Variants in HMCN1 observed in about 807,000 individuals in gnomAD.
HMCN1 encodes the protein hemicentin 1.
HMCN1 carries 321 observed loss-of-function variants against 625.9 expected under a neutral mutation model. The ratio of observed to expected loss-of-function variants is 0.51; its 90% CI spans 0.47 to 0.56. The LOEUF is 0.56. Among genes scored for constraint, HMCN1 ranks in the 20% least tolerant of loss-of-function variants. The pLI is 0.00. For synonymous variants in HMCN1, 2,425 were observed against 2,417.6 expected, an observed-to-expected ratio of 1.00 and a Z score of -0.09; for missense variants, 6,588 against 6,887.3, an observed-to-expected ratio of 0.96 and a Z score of 1.54.
At chr1:185,737,113 A>T (rs1351830866) in intron 1 of HMCN1, among the ~76,000 whole-genome samples, 1 of 151,430 alleles carries the variant, frequency 6.6e-6, no homozygotes, top group Non-Finnish European at 1.5e-5. Flanking sequence ...TGTGTGTATA[A>T]TCATTAAGAG....
In HMCN1 at chr1:186,153,910, A is replaced by G. The variant is rs766298196; in HGVS notation, c.15179A>G (p.His5060Arg). 3 of 1,614,030 alleles carry G rather than the reference A, an allele frequency of 1.9e-6. No individual in the cohort carries two copies. The Admixed American group carries it at 5.0e-5, about 27-fold the overall frequency. ...ATGCCTTTCTTGGTTGAAACACTTC[A>G]TGCATCCTCTGTGGAATCTGACTAT... ...GRMPFLVETLHASSVESDYNQ... is the reference protein window; with the variant it reads ...GRMPFLVETLRASSVESDYNQ... The change falls in exon 97 of 107, where the codon CAT becomes CGT. Residue 5060 changes from histidine (H) to arginine (R), a missense_variant. Physicochemically the swap from His to Arg is conservative, Grantham distance 29 (BLOSUM62 0). Around this residue, in one of 3 missense-constraint regions of HMCN1, gnomAD observed 1,954 missense variants for 2,013.1 expected, o/e 0.97. Coordinates refer to ENST00000271588, the MANE Select transcript of HMCN1 (RefSeq NM_031935.3).
At chr1:186,178,386 T>C (rs1295496109) in intron 103 of HMCN1, 30 bp from the exon 104 acceptor site, 24 of 1,515,838 alleles carry the variant, frequency 1.6e-5, no homozygotes, top group Non-Finnish European at 2.0e-5. Context: ...TGTCTTTTTT[T>C]TTCTTTTTTA....
intron 54 of HMCN1, among the ~76,000 whole-genome samples, chr1:186,077,672 ATCC>A (rs1358144760): frequency 6.6e-6 from 1 of 152,216 alleles, no homozygotes; most frequent in Non-Finnish European, 1.5e-5. Flanking sequence ...ATATACAGCT[ATCC>A]TCATAAGAAT....
At chr1:186,061,738 G>T in intron 46 of HMCN1, 113 bp from the exon 47 acceptor site, 3 of 536,244 alleles carry the variant, frequency 5.6e-6, no homozygotes, top group South Asian at 3.4e-5. Context: ...TCATTTTAAG[G>T]GCCTCTAAAG....
At chr1:185,962,054 A>C (rs1488710781) in intron 11 of HMCN1, among the ~76,000 whole-genome samples, 4 of 151,756 alleles carry the variant, frequency 2.6e-5, no homozygotes, top group Admixed American at 1.3e-4. Flanking sequence ...GTTTCTTATC[A>C]TAACAAAGTT....
intron 46 of HMCN1, among the ~76,000 whole-genome samples, chr1:186,059,827 C>T (rs1657568668): frequency 6.6e-6 from 1 of 151,930 alleles, no homozygotes; most frequent in African/African-American, 2.4e-5. Context: ...ACTGTCAGAA[C>T]CCATTTTTGG....
At chr1:186,058,881 G>T (rs533743249) in intron 46 of HMCN1, among the ~76,000 whole-genome samples, 2 of 152,046 alleles carry the variant, frequency 1.3e-5, no homozygotes, top group Admixed American at 6.6e-5. Context: ...GTTTATAACT[G>T]ATAGGAGCTT....
At chr1:185,815,529 T>C (rs1368894104) in intron 1 of HMCN1, among the ~76,000 whole-genome samples, 1 of 150,078 alleles carries the variant, frequency 6.7e-6, no homozygotes, top group Non-Finnish European at 1.5e-5. Flanking sequence ...TGCATTTATA[T>C]TGAATAGGAA....
At chr1:186,101,913 A>G (rs1354022569) in intron 68 of HMCN1, among the ~76,000 whole-genome samples, 1 of 152,136 alleles carries the variant, frequency 6.6e-6, no homozygotes, top group Non-Finnish European at 1.5e-5. Context: ...ATTAGTTCAG[A>G]GAATCAATAA....
chr1:186,163,399 G>C (rs183439898), intron 97 of HMCN1, among the ~76,000 whole-genome samples: 1 of 152,086 alleles, frequency 6.6e-6, no homozygotes, highest in Non-Finnish European at 1.5e-5. Flanking sequence ...GCTCACGCAC[G>C]GTGCGCTGCA....
chr1:186,130,465 G>A (rs749141966), intron 84 of HMCN1, 42 bp from the exon 85 acceptor site: 3 of 1,567,902 alleles, frequency 1.9e-6, no homozygotes, highest in Non-Finnish European at 2.6e-6. Context: ...GAAATTATCA[G>A]CACTTACTTT....
chr1:185,862,924 G>T (rs1662960987), intron 2 of HMCN1, among the ~76,000 whole-genome samples: 1 of 152,104 alleles, frequency 6.6e-6, no homozygotes, highest in South Asian at 2.1e-4. Context: ...AACAAATAAT[G>T]CTCAAAGGCT....
At chr1:186,107,620 C>T (rs966981150) in intron 70 of HMCN1, among the ~76,000 whole-genome samples, 1 of 152,060 alleles carries the variant, frequency 6.6e-6, no homozygotes, top group Non-Finnish European at 1.5e-5. Context: ...TATAGTATCC[C>T]ATTTTACTCC....
intron 42 of HMCN1, 41 bp downstream of exon 42, chr1:186,048,880 G>A (rs759497290): frequency 1.7e-6 from 2 of 1,195,890 alleles, no homozygotes; most frequent in South Asian, 2.4e-5. Context: ...ATGCAGCTGT[G>A]GTTTTTTGTG....
At position 186,114,401 on chromosome 1, in the gene HMCN1, A is replaced by G. The variant is rs141632839; in HGVS notation, c.11276+278A>G. Among the ~76,000 whole-genome samples the G allele has an allele frequency of 7.9e-3, 1,209 of 152,098 alleles. 22 individuals carry two copies. Among genetic ancestry groups the G allele is most frequent in the South Asian group, 0.042 (204 of 4,806 alleles). On this transcript the variant is annotated intron_variant, in intron 73 of 106. Transcript: ENST00000271588. The stretch of plus-strand genomic sequence containing the variant: ...CCTCCCAAGTAAGCTGAGATTAAAG[A>G]CGCACGCCAGCACGCCCAGCTAATT...
At chr1:186,171,720 T>C (rs1015878566) in intron 101 of HMCN1, among the ~76,000 whole-genome samples, 1 of 152,132 alleles carries the variant, frequency 6.6e-6, no homozygotes, top group African/African-American at 2.4e-5. Context: ...TACATATATA[T>C]GTATACAAAT....
chr1:185,805,025 A>G (rs1659074430), intron 1 of HMCN1, among the ~76,000 whole-genome samples: 1 of 152,152 alleles, frequency 6.6e-6, no homozygotes, highest in South Asian at 2.1e-4. Flanking sequence ...TGTACACCTG[A>G]CAGATTCTAG....
intron 1 of HMCN1, among the ~76,000 whole-genome samples, chr1:185,787,241 G>A (rs1179257327): frequency 6.6e-6 from 1 of 151,910 alleles, no homozygotes; most frequent in Non-Finnish European, 1.5e-5. Flanking sequence ...TTTACCTTCT[G>A]GGATACCCTC....
intron 57 of HMCN1, 123 bp from the exon 58 acceptor site, chr1:186,086,123 A>G (rs764961502): frequency 1.2e-6 from 1 of 862,068 alleles, no homozygotes; most frequent in Non-Finnish European, 1.9e-6. Context: ...ACAGACAGCT[A>G]GATAATGAAC....
Sources: gnomAD v4.1 joint callset for allele counts (sites outside exome capture counted in the v4.1 genomes callset) on GRCh38, gnomAD v4.1.1 for gene constraint, gnomAD v4.1.1 regional missense constraint, MANE v1.5 for transcripts, NCBI Gene and HGNC (gene_info 2026-07-23, HGNC 2026-07-21) for gene names.